The following MGLL variants were observed in gnomAD, a reference collection of about 807,000 sequenced individuals.
MGLL encodes the protein monoglyceride lipase.
Under a neutral mutation model 29.1 loss-of-function variants are expected in MGLL, and 7 were observed. The ratio of observed to expected loss-of-function variants is 0.24; its 90% CI spans 0.14 to 0.45. MGLL has a LOEUF of 0.45. Among genes scored for constraint, MGLL ranks in the 20% least tolerant of loss-of-function variants. The pLI is 0.99. For missense variants in MGLL, 356 were observed against 413.6 expected (o/e 0.86, Z 1.21); for synonymous variants, 148 against 168.3 (o/e 0.88, Z 0.93).
At position 127,761,749 on chromosome 3, in the gene MGLL, G is replaced by A. The variant is rs553425935; in HGVS notation, c.262+20040C>T. ...TCCCTCCTGGCACGTTCGGCTCCTC[G>A]CTTCATCGGCCGGGCCCTTGGGACC... On this transcript the variant is annotated intron_variant, in intron 3 of 7. Transcript: ENST00000265052. This position sits in a 1 kb window ranked among gnomAD's most constrained non-coding sequence, Gnocchi z 4.6. 6.3e-4 allele frequency among the ~76,000 whole-genome samples: 96 copies of A among 152,262 alleles called. No individual in the cohort carries two copies. The highest frequency in any genetic ancestry group is 8.8e-4 in the Non-Finnish European group (60 of 68,022).
intron 3 of MGLL, among the ~76,000 whole-genome samples, chr3:127,774,974 G>A (rs1559961613): frequency 6.6e-6 from 1 of 152,142 alleles, no homozygotes; most frequent in African/African-American, 2.4e-5. Flanking sequence ...GTTCAACAGA[G>A]GCAAATGACC....
At chr3:127,703,086 G>A (rs57614417) in intron 6 of MGLL, among the ~76,000 whole-genome samples, 25 of 152,264 alleles carry the variant, frequency 1.6e-4, no homozygotes, top group African/African-American at 4.6e-4. Flanking sequence ...GCATAGCCCC[G>A]CCCCACCACT....
intron 3 of MGLL, among the ~76,000 whole-genome samples, chr3:127,778,331 C>T (rs2077069295): frequency 6.6e-6 from 1 of 152,216 alleles, no homozygotes; most frequent in Non-Finnish European, 1.5e-5. Context: ...GGCAACCACA[C>T]GGGGACAAGA....
chr3:127,812,687 T>A (rs2107753082), intron 2 of MGLL, among the ~76,000 whole-genome samples: 2 of 152,262 alleles, frequency 1.3e-5, no homozygotes, highest in South Asian at 4.2e-4. Context: ...TGCAGGGAGA[T>A]GAAGCGGACA....
intron 3 of MGLL, 136 bp from the exon 4 acceptor site, chr3:127,722,702 C>G (rs905817862): frequency 1.6e-6 from 2 of 1,228,982 alleles, no homozygotes; most frequent in Middle Eastern, 5.0e-4. Context: ...TTTCCAGCCA[C>G]TCTTGAACGT....
chr3:127,740,711 T>C (rs981622278), intron 3 of MGLL, among the ~76,000 whole-genome samples: 2 of 152,014 alleles, frequency 1.3e-5, no homozygotes, highest in African/African-American at 4.8e-5. Context: ...GCGGGGACAA[T>C]GGTGTGACGC....
intron 2 of MGLL, among the ~76,000 whole-genome samples, chr3:127,812,136 A>G (rs1199372440): frequency 6.6e-6 from 1 of 152,240 alleles, no homozygotes; most frequent in Non-Finnish European, 1.5e-5. Context: ...GAATACCTTA[A>G]GACATGGACC....
At chr3:127,764,660 G>T (rs1017483703) in intron 3 of MGLL, among the ~76,000 whole-genome samples, 3 of 152,174 alleles carry the variant, frequency 2.0e-5, no homozygotes, top group Non-Finnish European at 4.4e-5. Flanking sequence ...TGTTAAATAT[G>T]AATATCATCT....
chr3:127,763,249 G>A (rs997611035), intron 3 of MGLL, among the ~76,000 whole-genome samples: 7 of 152,182 alleles, frequency 4.6e-5, no homozygotes, highest in Non-Finnish European at 7.3e-5. Context: ...GAAAGGCTCC[G>A]GAGGGTACAT....
chr3:127,715,630 AG>A (rs2075797893), intron 5 of MGLL: 1 of 455,630 alleles, frequency 2.2e-6, no homozygotes, highest in Non-Finnish European at 4.4e-6. Context: ...AGCTAAGCAG[AG>A]GAAGTGGGTT....
intron 2 of MGLL, among the ~76,000 whole-genome samples, chr3:127,804,587 T>A (rs560181044): frequency 6.6e-6 from 1 of 152,326 alleles, no homozygotes; most frequent in South Asian, 2.1e-4. Context: ...CACATCAACG[T>A]TAATTGTCCT....
At chr3:127,710,730 T>G in intron 5 of MGLL, 65 bp from the exon 6 acceptor site, 1 of 1,366,132 alleles carries the variant, frequency 7.3e-7, no homozygotes, top group Non-Finnish European at 1.0e-6. Flanking sequence ...TCTTCCGCAG[T>G]GACAGTTTAC....
In MGLL at chr3:127,692,167, C is replaced by T. The variant is rs765399459; in HGVS notation, c.*31G>A. On this transcript the variant is annotated 3_prime_UTR_variant, in exon 8 of 8. Transcript: ENST00000265052. ...CTGCCCTTCCCCTGCCTGCATCCCCCAGACCATGAGCCGGGCACCGGCCAA... is the reference window on the plus strand; with the variant it reads ...CTGCCCTTCCCCTGCCTGCATCCCCTAGACCATGAGCCGGGCACCGGCCAA... 23 of 1,609,700 alleles carry T rather than the reference C, an allele frequency of 1.4e-5. No individual in the cohort carries two copies. Among genetic ancestry groups the T allele is most frequent in the Non-Finnish European group, 1.9e-5 (22 of 1,179,232 alleles).
intron 5 of MGLL, chr3:127,715,635 G>A (rs1013065404): frequency 6.6e-6 from 3 of 455,962 alleles, no homozygotes; most frequent in African/African-American, 6.0e-5. Flanking sequence ...AGCAGAGGAA[G>A]TGGGTTGATT....
chr3:127,766,375 T>C (rs1289092630), intron 3 of MGLL, among the ~76,000 whole-genome samples: 1 of 152,194 alleles, frequency 6.6e-6, no homozygotes, highest in Non-Finnish European at 1.5e-5. Flanking sequence ...TGTATACATT[T>C]CTAATTTTAA....
chr3:127,749,455 T>C (rs1228058600), intron 3 of MGLL, among the ~76,000 whole-genome samples: 3 of 152,234 alleles, frequency 2.0e-5, no homozygotes, highest in Non-Finnish European at 4.4e-5. Flanking sequence ...ATACCATTCA[T>C]TATAAAAGGA....
At position 127,748,242 on chromosome 3, in the gene MGLL, G is replaced by A. The variant is rs145431843; in HGVS notation, c.263-25676C>T. Among the ~76,000 whole-genome samples the A allele has an allele frequency of 5.3e-5, 8 of 152,216 alleles. No individual in the cohort carries two copies. The East Asian group carries it at 1.2e-3, about 22-fold the overall frequency. On this transcript the variant is annotated intron_variant, in intron 3 of 7. Transcript: ENST00000265052. The stretch of plus-strand genomic sequence containing the variant: ...CCTCCTCTCCACACCACAAAGAGGC[G>A]CCTGACACTCAGAGGACCATTCGAA...
At chr3:127,765,513 A>G (rs2076840816) in intron 3 of MGLL, among the ~76,000 whole-genome samples, 1 of 152,246 alleles carries the variant, frequency 6.6e-6, no homozygotes, top group Admixed American at 6.5e-5. Context: ...TTCAGATGGC[A>G]CACTTGCTGC....
chr3:127,782,382 G>A (rs1290010844), intron 2 of MGLL, among the ~76,000 whole-genome samples: 1 of 152,164 alleles, frequency 6.6e-6, no homozygotes. Flanking sequence ...TCAGAGTCAC[G>A]CAGAATGGAG....
Sources: allele counts gnomAD v4.1 joint callset (sites outside exome capture counted in the v4.1 genomes callset), GRCh38; gene constraint gnomAD v4.1.1; non-coding constraint Gnocchi (gnomAD v3.1); transcripts MANE v1.5; gene names NCBI Gene and HGNC (gene_info 2026-07-23, HGNC 2026-07-21).